Variants in WWP2 observed in about 807,000 individuals in gnomAD.
The protein encoded by WWP2 is NEDD4-like E3 ubiquitin-protein ligase WWP2.
Under a neutral mutation model 121.0 loss-of-function variants are expected in WWP2, and 57 were observed. The ratio of observed to expected loss-of-function variants is 0.47; its 90% CI spans 0.38 to 0.59. WWP2 has a LOEUF of 0.59. WWP2 is among the 20% of genes least tolerant of loss of function. WWP2 has a pLI of 0.00. For synonymous variants in WWP2, 449 were observed against 441.3 expected (o/e 1.02, Z -0.22); for missense variants, 962 against 1,158.9 (o/e 0.83, Z 2.47).
intron 7 of WWP2, 131 bp from the exon 8 acceptor site, chr16:69,887,908 T>G (rs1307115703): frequency 9.3e-7 from 1 of 1,080,992 alleles, no homozygotes; most frequent in Non-Finnish European, 1.3e-6. Context: ...TGTAAAACTT[T>G]TTGCTGTCGC....
intron 6 of WWP2, among the ~76,000 whole-genome samples, chr16:69,869,466 C>A (rs982371808): frequency 6.6e-6 from 1 of 151,556 alleles, no homozygotes; most frequent in East Asian, 1.9e-4. Flanking sequence ...GCCTTGGCCT[C>A]CCAAGTACCT....
chr16:69,867,229 C>T (rs534949218), intron 6 of WWP2, among the ~76,000 whole-genome samples: 4 of 151,676 alleles, frequency 2.6e-5, no homozygotes, highest in Non-Finnish European at 5.9e-5. Context: ...CAATGGTCAG[C>T]GAGGCTGCAC....
chr16:69,921,599 G>A (rs12598407), intron 10 of WWP2, among the ~76,000 whole-genome samples: 4,688 of 152,182 alleles, frequency 0.031, 96 homozygotes, highest in South Asian at 0.071. Context: ...AATGTTGCCC[G>A]TGATCATCGT....
At chr16:69,845,738 T>A (rs534661943) in intron 6 of WWP2, among the ~76,000 whole-genome samples, 2 of 152,178 alleles carry the variant, frequency 1.3e-5, no homozygotes, top group Admixed American at 1.3e-4. Context: ...TAGTGGGATC[T>A]TGCCTCTTCT....
chr16:69,907,976 C>T (rs983996779), intron 8 of WWP2, among the ~76,000 whole-genome samples: 13 of 152,308 alleles, frequency 8.5e-5, no homozygotes, highest in Admixed American at 5.9e-4. Flanking sequence ...TGCGGTGGCT[C>T]ACTCCTGTAA....
intron 4 of WWP2, among the ~76,000 whole-genome samples, chr16:69,805,985 C>T (rs1468805742): frequency 6.6e-6 from 1 of 151,738 alleles, no homozygotes; most frequent in Non-Finnish European, 1.5e-5. Flanking sequence ...TCACTTGAGG[C>T]CAGTAGTTTG....
intron 4 of WWP2, among the ~76,000 whole-genome samples, chr16:69,818,891 C>T (rs1246772464): frequency 6.6e-6 from 1 of 152,090 alleles, no homozygotes; most frequent in East Asian, 1.9e-4. Flanking sequence ...GGCCTATATG[C>T]CCAAAACTCA....
intron 6 of WWP2, among the ~76,000 whole-genome samples, chr16:69,870,365 A>C (rs1402892421): frequency 1.4e-5 from 2 of 144,232 alleles, no homozygotes; most frequent in African/African-American, 5.2e-5. Flanking sequence ...CAGTGACGTG[A>C]TCTTGGCTCC....
chr16:69,762,581 G>A (rs1162265086), intron 1 of WWP2, among the ~76,000 whole-genome samples, 190 bp downstream of exon 1: 1 of 151,458 alleles, frequency 6.6e-6, no homozygotes, highest in Non-Finnish European at 1.5e-5. Context: ...CCGCCCGAGT[G>A]GGGTGGGCGC....
intron 6 of WWP2, among the ~76,000 whole-genome samples, chr16:69,844,129 C>T (rs1040462629): frequency 6.6e-5 from 10 of 152,068 alleles, no homozygotes; most frequent in Non-Finnish European, 1.0e-4. Flanking sequence ...TCTCTTTTCT[C>T]CAAGTCACTG....
intron 6 of WWP2, among the ~76,000 whole-genome samples, chr16:69,862,447 G>A (rs2057439318): frequency 1.3e-5 from 2 of 150,560 alleles, no homozygotes; most frequent in South Asian, 2.1e-4. Flanking sequence ...GCTCACTGCA[G>A]CCTCCATTCC....
In WWP2 at chr16:69,799,076, C is replaced by T; in HGVS notation, c.219-98C>T. On this transcript the variant is annotated intron_variant, in intron 3 of 23. Transcript: ENST00000359154. This position sits in a 1 kb window ranked among gnomAD's most constrained non-coding sequence, Gnocchi z 4.5. ...ATGTGGGTGTCTGCCTGTTTTGGTT[C>T]CCCCTCCCCAAGATGTCAGCAGTTT... The T allele has an allele frequency of 6.6e-7, 1 of 1,521,746 alleles. No homozygotes were observed. Among genetic ancestry groups the T allele is most frequent in the Non-Finnish European group, 8.8e-7 (1 of 1,132,786 alleles). The allele number at this position is 1,521,746 out of a possible 1,614,324, so 94.3% of individuals were successfully genotyped here.
chr16:69,777,950 G>A (rs867795134), intron 1 of WWP2, among the ~76,000 whole-genome samples: 41 of 150,324 alleles, frequency 2.7e-4, no homozygotes, highest in African/African-American at 8.8e-4. Context: ...GGTGCCTGTA[G>A]TCCCAGCCTT....
intron 8 of WWP2, among the ~76,000 whole-genome samples, chr16:69,903,479 A>G (rs1185165012): frequency 6.6e-6 from 1 of 152,212 alleles, no homozygotes; most frequent in African/African-American, 2.4e-5. Context: ...TTGGAATAAA[A>G]GAAAAATGGC....
At chr16:69,871,144 G>A (rs1051490520) in intron 6 of WWP2, among the ~76,000 whole-genome samples, 48 of 151,984 alleles carry the variant, frequency 3.2e-4, no homozygotes, top group Admixed American at 6.6e-4. Flanking sequence ...AATGAGCCAG[G>A]CGTGGTGCTG....
intron 11 of WWP2, 32 bp from the exon 12 acceptor site, chr16:69,929,416 T>G: frequency 6.2e-7 from 1 of 1,602,410 alleles, no homozygotes; most frequent in Non-Finnish European, 8.5e-7. Flanking sequence ...CGTGTTTGAA[T>G]CTGATGTTCT....
chr16:69,777,286 T>G (rs2055554880), intron 1 of WWP2, among the ~76,000 whole-genome samples: 1 of 151,982 alleles, frequency 6.6e-6, no homozygotes, highest in Non-Finnish European at 1.5e-5. Context: ...CTTTCCTTTG[T>G]GTGTGATATA....
intron 1 of WWP2, among the ~76,000 whole-genome samples, chr16:69,771,387 C>T (rs1462626464): frequency 6.6e-6 from 1 of 152,152 alleles, no homozygotes; most frequent in African/African-American, 2.4e-5. Flanking sequence ...GCTGGGATTA[C>T]AGGTGCCTGC....
chr16:69,909,585 T>C, intron 9 of WWP2: 1 of 985,410 alleles, frequency 1.0e-6, no homozygotes, highest in East Asian at 1.1e-4. Context: ...TGAGTTTTCC[T>C]TTTTTCCGTA....
Sources: gnomAD v4.1 joint callset for allele counts (sites outside exome capture counted in the v4.1 genomes callset) on GRCh38, gnomAD v4.1.1 for gene constraint, Gnocchi (gnomAD v3.1) non-coding constraint, MANE v1.5 for transcripts, NCBI Gene and HGNC (gene_info 2026-07-23, HGNC 2026-07-21) for gene names.